The following FSTL5 variants were observed in gnomAD, a reference collection of about 807,000 sequenced individuals.
FSTL5 encodes the protein follistatin-related protein 5.
In FSTL5, 62 loss-of-function variants were observed where a neutral mutation model predicts 89.1. The ratio of observed to expected loss-of-function variants is 0.70; its 90% confidence interval spans 0.57 to 0.86. The LOEUF is 0.86. FSTL5 is among the 40% of genes least tolerant of loss of function. The pLI is 0.00. For synonymous variants in FSTL5, 383 were observed against 346.2 expected, an observed-to-expected ratio of 1.11 and a Z score of -1.18; for missense variants, 1,057 against 1,001.6, an observed-to-expected ratio of 1.06 and a Z score of -0.75.
intron 2 of FSTL5, among the ~76,000 whole-genome samples, chr4:162,095,498 G>A (rs544078082): frequency 1.6e-3 from 242 of 152,150 alleles, no homozygotes; most frequent in African/African-American, 5.6e-3. Context: ...AGCAATGAAT[G>A]TCGAATCCTG....
chr4:161,405,762 A>G (rs756659986), intron 15 of FSTL5, among the ~76,000 whole-genome samples: 13 of 152,202 alleles, frequency 8.5e-5, no homozygotes, highest in Non-Finnish European at 1.6e-4. Context: ...AAACTGTTAA[A>G]GACAAAGAGA....
chr4:161,558,512 C>T (rs1732474217), intron 8 of FSTL5, among the ~76,000 whole-genome samples: 1 of 151,478 alleles, frequency 6.6e-6, no homozygotes, highest in Non-Finnish European at 1.5e-5. Context: ...CTGAGTAGCT[C>T]AAAGAAAAAT....
chr4:161,612,795 A>T (rs1038574936), intron 7 of FSTL5, among the ~76,000 whole-genome samples: 1 of 152,182 alleles, frequency 6.6e-6, no homozygotes, highest in Non-Finnish European at 1.5e-5. Flanking sequence ...AATAGAAACA[A>T]TTATGTGATT....
chr4:161,447,552 T>C (rs1479009488), intron 15 of FSTL5, among the ~76,000 whole-genome samples: 3 of 152,046 alleles, frequency 2.0e-5, no homozygotes, highest in East Asian at 3.9e-4. Flanking sequence ...ACTCAAGAAA[T>C]AATAAAGGTA....
intron 12 of FSTL5, among the ~76,000 whole-genome samples, chr4:161,482,674 C>G (rs530044201): frequency 6.6e-6 from 1 of 152,244 alleles, no homozygotes; most frequent in African/African-American, 2.4e-5. Context: ...AAAATGTAAC[C>G]TTTCTCAGGC....
chr4:161,540,451 A>C (rs1328885397), intron 9 of FSTL5, among the ~76,000 whole-genome samples: 1 of 152,156 alleles, frequency 6.6e-6, no homozygotes, highest in Non-Finnish European at 1.5e-5. Context: ...TCGTGAGGTA[A>C]ATAGAAGTGA....
At chr4:162,026,691 A>T (rs1737309377) in intron 3 of FSTL5, among the ~76,000 whole-genome samples, 1 of 152,130 alleles carries the variant, frequency 6.6e-6, no homozygotes, top group Non-Finnish European at 1.5e-5. Context: ...AAAGAACAAT[A>T]TTGCGATGTT....
intron 2 of FSTL5, among the ~76,000 whole-genome samples, chr4:162,059,332 C>A (rs1184067151): frequency 1.3e-5 from 2 of 152,200 alleles, no homozygotes; most frequent in African/African-American, 4.8e-5. Context: ...TAGGACATCA[C>A]GCATGGTAGA....
chr4:161,853,089 G>T (rs1978910), intron 4 of FSTL5, among the ~76,000 whole-genome samples: 112,294 of 152,132 alleles, frequency 0.74, 41,838 homozygotes, highest in East Asian at 0.82. Flanking sequence ...AGCAAAAATG[G>T]GTTCCTAATA....
At chr4:161,433,055 T>C (rs1193996518) in intron 15 of FSTL5, among the ~76,000 whole-genome samples, 3 of 150,418 alleles carry the variant, frequency 2.0e-5, no homozygotes, top group African/African-American at 7.3e-5. Context: ...GATGAGAAAA[T>C]AATTCTAAAC....
chr4:161,395,678 T>A (rs976835879), intron 15 of FSTL5, among the ~76,000 whole-genome samples: 1 of 152,084 alleles, frequency 6.6e-6, no homozygotes, highest in Non-Finnish European at 1.5e-5. Context: ...TGTGGGAGAT[T>A]TTTTTCTCCT....
At chr4:162,102,494 T>C (rs1731033812) in intron 2 of FSTL5, among the ~76,000 whole-genome samples, 1 of 149,710 alleles carries the variant, frequency 6.7e-6, no homozygotes, top group Non-Finnish European at 1.5e-5. Flanking sequence ...TATGATGTTT[T>C]CTACCACCCA....
chr4:161,759,407 T>G lies in FSTL5; in HGVS notation c.727+4A>C. On this transcript the variant is annotated splice_donor_region_variant and intron_variant, in intron 6 of 15. Coordinates refer to ENST00000306100, the MANE Select transcript of FSTL5 (RefSeq NM_020116.5). ...GGAAATTGGAGAATGAATCTTGTAC[T>G]CACGGAATGCTCTATAAAATTCTTC... 6.3e-7 allele frequency: 1 copy of G among 1,581,716 alleles called. No individual in the cohort carries two copies. Among genetic ancestry groups the G allele is most frequent in the Non-Finnish European group, 8.6e-7 (1 of 1,167,526 alleles).
chr4:162,146,752 T>TTCTCTCTATC (rs1733010743), intron 1 of FSTL5, among the ~76,000 whole-genome samples: 1 of 117,846 alleles, frequency 8.5e-6, no homozygotes, highest in African/African-American at 2.8e-5. Flanking sequence ...TCTTTCTCCT[T>TTCTCTCTATC]TCTCTCTCTC....
chr4:162,027,392 A>T (rs1200433593), intron 3 of FSTL5, among the ~76,000 whole-genome samples: 2 of 152,108 alleles, frequency 1.3e-5, no homozygotes, highest in Non-Finnish European at 2.9e-5. Context: ...AACAATTGCT[A>T]ATTATTCATG....
At chr4:161,469,326 G>A (rs1733854275) in intron 13 of FSTL5, among the ~76,000 whole-genome samples, 1 of 152,152 alleles carries the variant, frequency 6.6e-6, no homozygotes, top group African/African-American at 2.4e-5. Flanking sequence ...TCTGTCAACA[G>A]ACACTTGAGT....
intron 4 of FSTL5, among the ~76,000 whole-genome samples, chr4:161,864,890 A>AAG (rs1732032207): frequency 1.4e-5 from 2 of 141,320 alleles, no homozygotes; most frequent in African/African-American, 2.6e-5. Context: ...AAAAAAAAAA[A>AAG]GCATTAATGG....
intron 10 of FSTL5, among the ~76,000 whole-genome samples, chr4:161,530,161 GAT>G (rs1268476387): frequency 7.0e-6 from 1 of 142,334 alleles, no homozygotes; most frequent in African/African-American, 2.5e-5. Context: ...TAAAGTTTAT[GAT>G]AGTCATATTC....
At chr4:161,833,339 G>GA (rs1404657069) in intron 4 of FSTL5, among the ~76,000 whole-genome samples, 2 of 151,716 alleles carry the variant, frequency 1.3e-5, no homozygotes, top group South Asian at 2.1e-4. Flanking sequence ...GTGTGGTGCT[G>GA]AAAAAAATGT....
Sources: gnomAD v4.1 joint callset for allele counts (sites outside exome capture counted in the v4.1 genomes callset) on GRCh38, gnomAD v4.1.1 for gene constraint, MANE v1.5 for transcripts, NCBI Gene and HGNC (gene_info 2026-07-23, HGNC 2026-07-21) for gene names.